The following PLPPR5 variants were observed in gnomAD, a reference collection of about 807,000 sequenced individuals.
PLPPR5 encodes phospholipid phosphatase related 5.
In PLPPR5, 16 loss-of-function variants were observed where a neutral mutation model predicts 33.9. That is an observed-to-expected ratio of 0.47 (90% CI 0.32 to 0.72). The LOEUF (loss-of-function observed/expected upper bound fraction) is 0.72. Among genes scored for constraint, PLPPR5 ranks in the 30% least tolerant of loss-of-function variants. PLPPR5 has a pLI of 0.03. For missense variants in PLPPR5, 301 were observed against 406.7 expected (o/e 0.74, Z 2.23); for synonymous variants, 163 against 150.3 (o/e 1.08, Z -0.62).
intron 1 of PLPPR5, among the ~76,000 whole-genome samples, chr1:98,986,711 A>G (rs899847051): frequency 6.6e-6 from 1 of 151,916 alleles, no homozygotes; most frequent in Admixed American, 6.6e-5. Flanking sequence ...GCTGGCTAAA[A>G]TTAGAAGGTA....
intron 1 of PLPPR5, among the ~76,000 whole-genome samples, chr1:98,963,215 T>C (rs886642274): frequency 6.6e-6 from 1 of 152,164 alleles, no homozygotes; most frequent in Admixed American, 6.5e-5. Flanking sequence ...GCTTGAGACA[T>C]GATTTACATA....
chr1:98,913,358 G>A (rs10875196), intron 5 of PLPPR5, among the ~76,000 whole-genome samples: 110,310 of 152,098 alleles, frequency 0.73, 40,354 homozygotes, highest in East Asian at 0.8. Context: ...ATAATATTCA[G>A]AGTTGGTCTG....
At chr1:98,958,926 A>G (rs1202671086) in intron 1 of PLPPR5, among the ~76,000 whole-genome samples, 4 of 152,154 alleles carry the variant, frequency 2.6e-5, no homozygotes, top group Non-Finnish European at 5.9e-5. Context: ...CGGGGTCTCC[A>G]TCCCCTGGCA....
At chr1:98,912,081 T>C (rs1570690893) in intron 5 of PLPPR5, among the ~76,000 whole-genome samples, 1 of 152,228 alleles carries the variant, frequency 6.6e-6, no homozygotes, top group East Asian at 1.9e-4. Flanking sequence ...AATTCTACTA[T>C]TTTTAAACTT....
chr1:98,944,424 A>G (rs1476002595), intron 3 of PLPPR5, among the ~76,000 whole-genome samples: 1 of 152,194 alleles, frequency 6.6e-6, no homozygotes, highest in Non-Finnish European at 1.5e-5. Context: ...AAGTGATGGT[A>G]TTAAGAGGTG....
At chr1:98,958,068 A>G (rs1329467) in intron 1 of PLPPR5, among the ~76,000 whole-genome samples, 37,914 of 152,186 alleles carry the variant, frequency 0.25, 5,121 homozygotes, top group East Asian at 0.53. Context: ...CTCTAATACT[A>G]TGAACAACAG....
intron 4 of PLPPR5, among the ~76,000 whole-genome samples, chr1:98,919,122 AAGG>A (rs979973278): frequency 6.6e-5 from 10 of 152,246 alleles, no homozygotes; most frequent in African/African-American, 2.4e-4. Context: ...AGGAATCCTC[AAGG>A]AGGAGAAGTC....
At position 98,956,783 on chromosome 1, in the gene PLPPR5, C is replaced by A. The variant is rs751126698; in HGVS notation, c.238-42G>T. 3 of 1,431,168 alleles carry A rather than the reference C, an allele frequency of 2.1e-6. No homozygotes were observed. In the East Asian group the frequency reaches 7.3e-5, roughly 35 times the overall value. The allele number at this position is 1,431,168 out of a possible 1,614,324, so 88.7% of individuals were successfully genotyped here. On this transcript the variant is annotated intron_variant, in intron 1 of 5. Coordinates refer to ENST00000263177, the MANE Select transcript of PLPPR5 (RefSeq NM_001037317.2). ...AGATTAAGGAATATTAGAATTTAAC[C>A]AGTATAAATGTAAAATATTTTTATT...
At chr1:98,975,395 G>A (rs968084860) in intron 1 of PLPPR5, among the ~76,000 whole-genome samples, 2 of 152,008 alleles carry the variant, frequency 1.3e-5, no homozygotes, top group African/African-American at 2.4e-5. Flanking sequence ...CAGAAATCAC[G>A]GCATGTGATT....
In PLPPR5 at chr1:98,952,262, C is replaced by CAAAAA. The variant is rs779701945; in HGVS notation, c.621+807_621+808insTTTTT. ...TGGGTGACAGAGCGAGACTCCGTCT[C>CAAAAA]AGAAAAAAAAAAAAAAAAAAAAATC... is the stretch of plus-strand genomic sequence containing the variant. On this transcript the variant is annotated intron_variant, in intron 3 of 5. Coordinates refer to ENST00000263177, the MANE Select transcript of PLPPR5 (RefSeq NM_001037317.2). 4.4e-5 allele frequency among the ~76,000 whole-genome samples: 5 copies of CAAAAA among 113,078 alleles called. 1 individual carries two copies. Among genetic ancestry groups the CAAAAA allele is most frequent in the African/African-American group, 9.4e-5 (3 of 31,862 alleles). The allele number at this position is 113,078 out of a possible 152,430, so 74.2% of individuals were successfully genotyped here.
In PLPPR5 at chr1:99,004,853, C is replaced by G. The variant is rs1409616877; in HGVS notation, c.-182G>C. 1 of 262,970 alleles carries G rather than the reference C, an allele frequency of 3.8e-6. No homozygotes were observed. Among genetic ancestry groups the G allele is most frequent in the Non-Finnish European group, 6.9e-6 (1 of 145,128 alleles). The allele number at this position is 262,970 out of a possible 1,614,324, so 16.3% of individuals were successfully genotyped here. A position where few individuals can be genotyped will look rare whatever the true frequency, so the allele number is the denominator to read the frequency against. On this transcript the variant is annotated 5_prime_UTR_variant, in exon 1 of 6. Transcript: ENST00000263177. ...GAGGCAGGTCCGGGCTTCGAGGCGC[C>G]GGCAGGCTGCAGAGGAGGCGGCTAC... is the stretch of plus-strand genomic sequence containing the variant.
chr1:98,989,559 T>C (rs1053269159), intron 1 of PLPPR5, among the ~76,000 whole-genome samples: 4 of 152,086 alleles, frequency 2.6e-5, no homozygotes, highest in Non-Finnish European at 5.9e-5. Context: ...TTAAATAAAA[T>C]GTACAGAACA....
intron 1 of PLPPR5, among the ~76,000 whole-genome samples, chr1:98,999,265 T>C (rs1268998565): frequency 2.0e-5 from 3 of 152,230 alleles, no homozygotes; most frequent in African/African-American, 7.2e-5. Flanking sequence ...TGGGCACTGC[T>C]CTGATACTTA....
chr1:98,908,901 GC>G (rs1649009684), intron 5 of PLPPR5, among the ~76,000 whole-genome samples: 2 of 152,120 alleles, frequency 1.3e-5, no homozygotes, highest in African/African-American at 4.8e-5. Flanking sequence ...TTTTCTGAGG[GC>G]CTTTTGTCAA....
intron 1 of PLPPR5, among the ~76,000 whole-genome samples, chr1:98,979,563 G>A (rs982058840): frequency 2.6e-5 from 4 of 152,012 alleles, no homozygotes; most frequent in Non-Finnish European, 5.9e-5. Context: ...CAGATTGTTT[G>A]GTTCCATATC....
chr1:98,998,976 T>G (rs1447550731), intron 1 of PLPPR5, among the ~76,000 whole-genome samples: 2 of 152,224 alleles, frequency 1.3e-5, no homozygotes, highest in African/African-American at 4.8e-5. Flanking sequence ...TTTTAGCTAA[T>G]GTTAGCCCAC....
intron 1 of PLPPR5, among the ~76,000 whole-genome samples, chr1:99,000,446 T>C (rs1022525453): frequency 3.9e-5 from 6 of 152,176 alleles, no homozygotes; most frequent in African/African-American, 9.7e-5. Context: ...TTTCAGGTCT[T>C]ATCAATGTGA....
At chr1:98,937,722 G>T (rs137882659) in intron 3 of PLPPR5, among the ~76,000 whole-genome samples, 4 of 152,308 alleles carry the variant, frequency 2.6e-5, no homozygotes, top group African/African-American at 7.2e-5. Flanking sequence ...AAACACCATG[G>T]AGAAGAGAAA....
intron 1 of PLPPR5, among the ~76,000 whole-genome samples, chr1:98,975,741 A>C (rs1368601713): frequency 6.6e-6 from 1 of 151,948 alleles, no homozygotes; most frequent in Non-Finnish European, 1.5e-5. Context: ...GAAGAGGGGG[A>C]CACTTCCCGA....
Sources: allele counts gnomAD v4.1 joint callset (sites outside exome capture counted in the v4.1 genomes callset), GRCh38; gene constraint gnomAD v4.1.1; transcripts MANE v1.5; gene names NCBI Gene and HGNC (gene_info 2026-07-23, HGNC 2026-07-21).